Variants in ARRB1 observed in about 807,000 individuals in gnomAD.
The protein encoded by ARRB1 is beta-arrestin-1.
A neutral mutation model predicts 56.8 loss-of-function variants in ARRB1; 21 were observed. That is an observed-to-expected ratio of 0.37 (90% CI 0.26 to 0.53). ARRB1 has a LOEUF of 0.53. ARRB1 is among the 20% of genes least tolerant of loss of function. ARRB1 has a pLI of 0.88. For missense variants in ARRB1, 424 were observed against 553.7 expected (o/e 0.77, Z 2.35); for synonymous variants, 210 against 218.6 (o/e 0.96, Z 0.35).
At chr11:75,312,790 C>T (rs898310086) in intron 1 of ARRB1, among the ~76,000 whole-genome samples, 2 of 152,182 alleles carry the variant, frequency 1.3e-5, no homozygotes, top group Non-Finnish European at 2.9e-5. Flanking sequence ...GGCTTCAAAG[C>T]TGGAGGATGG....
intron 15 of ARRB1, 57 bp downstream of exon 15, chr11:75,267,595 T>A: frequency 2.8e-5 from 41 of 1,476,112 alleles, no homozygotes; most frequent in Non-Finnish European, 3.6e-5. Context: ...AATGACCCCC[T>A]CCACCCCGCC....
intron 1 of ARRB1, among the ~76,000 whole-genome samples, chr11:75,327,333 T>TATAAA (rs1436316778): frequency 6.7e-6 from 1 of 149,768 alleles, no homozygotes; most frequent in East Asian, 2.0e-4. Context: ...AGAATAATTG[T>TATAAA]ATAAAATGTA....
At position 75,261,847 on chromosome 11, in the gene ARRB1, T is replaced by C. The variant is rs973598902; in HGVS notation, c.*4316A>G. ...TCAGGAGTGTTTTGGTCCTTTTGAG[T>C]TTAAAAAATTATAGATATCAGAACA... On this transcript the variant is annotated 3_prime_UTR_variant, in exon 16 of 16. Transcript: ENST00000420843. 1 of 152,062 alleles carries C rather than the reference T, an allele frequency of 6.6e-6. No individual in the cohort carries two copies. The highest frequency in any genetic ancestry group is 1.5e-5 in the Non-Finnish European group (1 of 68,012). The allele number at this position is 152,062 out of a possible 1,614,324, so 9.4% of individuals were successfully genotyped here.
At chr11:75,323,346 T>G (rs1425588270) in intron 1 of ARRB1, among the ~76,000 whole-genome samples, 1 of 152,038 alleles carries the variant, frequency 6.6e-6, no homozygotes, top group Non-Finnish European at 1.5e-5. Flanking sequence ...GGGCCGGGCG[T>G]GGTGGCTCAC....
At chr11:75,267,590 C>G in intron 15 of ARRB1, 62 bp downstream of exon 15, 1 of 1,482,502 alleles carries the variant, frequency 6.7e-7, no homozygotes. Flanking sequence ...ATGCAAATGA[C>G]CCCCTCCACC....
chr11:75,272,141 A>G (rs527450572), intron 12 of ARRB1, among the ~76,000 whole-genome samples: 31 of 152,380 alleles, frequency 2.0e-4, no homozygotes, highest in African/African-American at 6.5e-4. Flanking sequence ...GAGATGTCCT[A>G]TTATATAAGG....
intron 1 of ARRB1, chr11:75,335,064 G>A: frequency 5.6e-6 from 1 of 179,108 alleles, no homozygotes; most frequent in Non-Finnish European, 1.4e-5. Flanking sequence ...GTGAAGGGCT[G>A]GAAGCTGAAG....
chr11:75,337,740 AC>A (rs1428380624), intron 1 of ARRB1, among the ~76,000 whole-genome samples: 1 of 149,022 alleles, frequency 6.7e-6, no homozygotes, highest in African/African-American at 2.5e-5. Flanking sequence ...CTTCATGTCT[AC>A]AGCAGGTGCC....
At chr11:75,317,073 T>C (rs1405438208) in intron 1 of ARRB1, among the ~76,000 whole-genome samples, 1 of 151,920 alleles carries the variant, frequency 6.6e-6, no homozygotes, top group Non-Finnish European at 1.5e-5. Flanking sequence ...CGTCTCAAAA[T>C]AATAATAATA....
chr11:75,275,872 C>T (rs1198559364), intron 10 of ARRB1, among the ~76,000 whole-genome samples: 1 of 152,222 alleles, frequency 6.6e-6, no homozygotes, highest in Non-Finnish European at 1.5e-5. Flanking sequence ...GACGCTGGCA[C>T]CATCTGCAGT....
intron 1 of ARRB1, among the ~76,000 whole-genome samples, chr11:75,349,873 C>T (rs1395092116): frequency 6.6e-6 from 1 of 152,252 alleles, no homozygotes; most frequent in African/African-American, 2.4e-5. Flanking sequence ...GAGCAGGGCT[C>T]CCCTCCCTGG....
chr11:75,311,665 A>T (rs1947163692), intron 1 of ARRB1, among the ~76,000 whole-genome samples: 1 of 152,232 alleles, frequency 6.6e-6, no homozygotes, highest in Non-Finnish European at 1.5e-5. Context: ...CACCTGCCAC[A>T]CACAGGCAAA....
At chr11:75,281,659 G>T in intron 6 of ARRB1, 1 of 398,696 alleles carries the variant, frequency 2.5e-6, no homozygotes. Flanking sequence ...TTGATTCCAG[G>T]TTGCCAGGGG....
chr11:75,315,334 C>A (rs1051902303), intron 1 of ARRB1, among the ~76,000 whole-genome samples: 1 of 152,114 alleles, frequency 6.6e-6, no homozygotes, highest in African/African-American at 2.4e-5. Context: ...TTGACCCCCA[C>A]ACCCACATGG....
At chr11:75,284,697 A>G (rs1465313768) in intron 3 of ARRB1, among the ~76,000 whole-genome samples, 7 of 152,146 alleles carry the variant, frequency 4.6e-5, no homozygotes, top group Admixed American at 4.6e-4. Context: ...TGAGGCCAAG[A>G]GTTCAAGACC....
intron 1 of ARRB1, among the ~76,000 whole-genome samples, chr11:75,304,256 C>T (rs921562755): frequency 6.6e-6 from 1 of 152,048 alleles, no homozygotes. Context: ...TAATTTCTTC[C>T]TATTCTCACA....
Position 75,284,227 on chromosome 11 carries a change from C to T in ARRB1, c.157+8G>A, listed in dbSNP as rs754813116. 3 of 1,606,270 alleles carry T rather than the reference C, an allele frequency of 1.9e-6. No homozygotes were observed. The highest frequency in any genetic ancestry group is 2.2e-5 in the South Asian group (2 of 90,230). ...CTTGACAGGCTGGGGATGGGGGCCA[C>T]AGCCTACCTCTCCGCTCTTTGAGAT... On this transcript the variant is annotated splice_region_variant and intron_variant, in intron 4 of 15. Coordinates refer to ENST00000420843, the MANE Select transcript of ARRB1 (RefSeq NM_004041.5).
At position 75,265,995 on chromosome 11, in the gene ARRB1, G is replaced by A. The variant is rs1591881333; in HGVS notation, c.*168C>T. ...GGTCCTGTTGGCGTGGTGATGTGGGGCCAATCCTGAGGCCAGAGGTTCATC... is the reference window on the plus strand; with the variant it reads ...GGTCCTGTTGGCGTGGTGATGTGGGACCAATCCTGAGGCCAGAGGTTCATC... On this transcript the variant is annotated 3_prime_UTR_variant, in exon 16 of 16. Transcript: ENST00000420843. The A allele has an allele frequency of 4.8e-6, 3 of 620,046 alleles. No homozygotes were observed. The highest frequency in any genetic ancestry group is 5.5e-5 in the East Asian group (2 of 36,194). 38.4% of individuals were successfully genotyped at this position (620,046 alleles called of 1,614,324 possible).
At chr11:75,287,725 G>A (rs1323763354) in intron 2 of ARRB1, among the ~76,000 whole-genome samples, 1 of 152,240 alleles carries the variant, frequency 6.6e-6, no homozygotes, top group Non-Finnish European at 1.5e-5. Context: ...GCATCTCAGA[G>A]GGTGAGAGCC....
Sources: gnomAD v4.1 joint callset for allele counts (sites outside exome capture counted in the v4.1 genomes callset) on GRCh38, gnomAD v4.1.1 for gene constraint, MANE v1.5 for transcripts, NCBI Gene and HGNC (gene_info 2026-07-23, HGNC 2026-07-21) for gene names.